Variants in EDNRB observed in about 807,000 individuals in gnomAD.
The protein encoded by EDNRB is Hirschsprung disease 2.
A neutral mutation model predicts 46.4 loss-of-function variants in EDNRB; 18 were observed. The ratio of observed to expected loss-of-function variants is 0.39; its 90% CI spans 0.27 to 0.57. The LOEUF is 0.57. Ranked by LOEUF, EDNRB falls within the 20% of genes least tolerant of loss-of-function variation. The pLI is 0.61. For synonymous variants in EDNRB, 213 were observed against 204.9 expected (o/e 1.04, Z -0.34); for missense variants, 434 against 537.5 (o/e 0.81, Z 1.90).
intron 1 of EDNRB, among the ~76,000 whole-genome samples, chr13:77,915,914 G>C (rs1262520698): frequency 6.6e-6 from 1 of 152,192 alleles, no homozygotes; most frequent in East Asian, 1.9e-4. Flanking sequence ...GAAATCATAT[G>C]GGAGTTTGAA....
chr13:77,960,078 T>G (rs1881360374), intron 1 of EDNRB, among the ~76,000 whole-genome samples: 1 of 152,158 alleles, frequency 6.6e-6, no homozygotes, highest in South Asian at 2.1e-4. Flanking sequence ...TACCTGAAAG[T>G]GATGGGGAGA....
chr13:77,896,699 T>G lies in EDNRB; in HGVS notation c.*1501A>C. 1.4e-6 allele frequency: 2 copies of G among 1,431,026 alleles called. No homozygotes were observed. The highest frequency in any genetic ancestry group is 1.8e-6 in the Non-Finnish European group (2 of 1,098,124). 88.6% of individuals were successfully genotyped at this position (1,431,026 alleles called of 1,614,324 possible). ...ACAAAATCAGGACCTTTTGCATTGA[T>G]GTGACGAGGCAATGACGAACGTTAG... On this transcript the variant is annotated 3_prime_UTR_variant, in exon 7 of 7. Coordinates refer to ENST00000646607, the MANE Select transcript of EDNRB (RefSeq NM_001122659.3).
At chr13:77,966,398 C>T (rs1340732193) in intron 1 of EDNRB, among the ~76,000 whole-genome samples, 2 of 152,138 alleles carry the variant, frequency 1.3e-5, no homozygotes, top group East Asian at 1.9e-4. Flanking sequence ...GTCTTCCTCC[C>T]CCACTACTTC....
intron 1 of EDNRB, among the ~76,000 whole-genome samples, chr13:77,917,046 T>G (rs899265746): frequency 1.3e-5 from 2 of 152,176 alleles, no homozygotes; most frequent in Non-Finnish European, 2.9e-5. Context: ...AACCTGGCTC[T>G]TTGTGTGTTT....
chr13:77,929,586 T>C (rs1880330462), intron 1 of EDNRB, among the ~76,000 whole-genome samples: 1 of 152,156 alleles, frequency 6.6e-6, no homozygotes. Flanking sequence ...GAAGTTTAGA[T>C]GCTGGTTCAT....
intron 6 of EDNRB, chr13:77,899,389 A>T (rs1878810517): frequency 6.1e-6 from 1 of 164,252 alleles, no homozygotes; most frequent in Non-Finnish European, 1.3e-5. Context: ...TGTTATACAA[A>T]AAAGGAAGAA....
chr13:77,905,011 C>G (rs1337488807), intron 1 of EDNRB, among the ~76,000 whole-genome samples: 1 of 151,858 alleles, frequency 6.6e-6, no homozygotes, highest in Non-Finnish European at 1.5e-5. Context: ...CAACATAGGA[C>G]CAACTTCATT....
chr13:77,956,526 A>T (rs148076085), intron 1 of EDNRB, among the ~76,000 whole-genome samples: 2,240 of 152,282 alleles, frequency 0.015, 46 homozygotes, highest in East Asian at 0.024. Context: ...GGAGTTCCAA[A>T]ACTTTACGGA....
chr13:77,969,964 C>T (rs1354738093), intron 1 of EDNRB, among the ~76,000 whole-genome samples: 1 of 152,038 alleles, frequency 6.6e-6, no homozygotes, highest in Admixed American at 6.6e-5. Context: ...TTTGAAAAAA[C>T]TTGGTTTTCC....
chr13:77,900,833 A>G (rs113966737), intron 4 of EDNRB, among the ~76,000 whole-genome samples, 179 bp from the exon 5 acceptor site: 20 of 151,990 alleles, frequency 1.3e-4, no homozygotes, highest in Non-Finnish European at 2.8e-4. Flanking sequence ...CTAGAGATTC[A>G]TCTTTAAAAA....
At chr13:77,965,306 A>G (rs1225272197) in intron 1 of EDNRB, among the ~76,000 whole-genome samples, 1 of 152,212 alleles carries the variant, frequency 6.6e-6, no homozygotes, top group Non-Finnish European at 1.5e-5. Context: ...AGAGCTAAGT[A>G]TTAGGGATAA....
intron 1 of EDNRB, among the ~76,000 whole-genome samples, chr13:77,938,333 G>A (rs1015418485): frequency 6.6e-6 from 1 of 151,738 alleles, no homozygotes; most frequent in African/African-American, 2.4e-5. Context: ...AAGGGATGGG[G>A]CACAGAGATA....
At position 77,965,166 on chromosome 13, in the gene EDNRB, T is replaced by G. The variant is rs117602883; in HGVS notation, c.-52+10181A>C. Among the ~76,000 whole-genome samples the G allele has an allele frequency of 2.0e-5, 3 of 152,354 alleles. No homozygotes were observed. In the East Asian group the frequency reaches 5.8e-4, roughly 29 times the overall value. ...CATATATATATTTTTAAAGTCCTCA[T>G]TGAATTATCAATAGACAACTCAGTA... On this transcript the variant is annotated intron_variant, in intron 1 of 7. Coordinates refer to the EDNRB transcript ENST00000646948.
chr13:77,927,874 T>C (rs1289013126), intron 1 of EDNRB, among the ~76,000 whole-genome samples: 1 of 152,174 alleles, frequency 6.6e-6, no homozygotes, highest in Non-Finnish European at 1.5e-5. Flanking sequence ...TGTGAGGTAA[T>C]TGAATCATGG....
At chr13:77,973,780 C>CT (rs556379433) in intron 1 of EDNRB, among the ~76,000 whole-genome samples, 4 of 151,862 alleles carry the variant, frequency 2.6e-5, no homozygotes, top group Middle Eastern at 3.4e-3. Flanking sequence ...CTTTTATAAC[C>CT]TTTTTTTTCA....
Position 77,898,013 on chromosome 13 carries a change from T to G in EDNRB, c.*187A>C. ...CTTTCTTAATTCCCACTGATTTTCTTTCCATGCCGTAAACAGCTCATAAAA... is the reference window on the plus strand; with the variant it reads ...CTTTCTTAATTCCCACTGATTTTCTGTCCATGCCGTAAACAGCTCATAAAA... On this transcript the variant is annotated 3_prime_UTR_variant, in exon 7 of 7. Coordinates refer to ENST00000646607, the MANE Select transcript of EDNRB (RefSeq NM_001122659.3). 1 of 1,387,994 alleles carries G rather than the reference T, an allele frequency of 7.2e-7. No individual in the cohort carries two copies. The highest frequency in any genetic ancestry group is 9.3e-7 in the Non-Finnish European group (1 of 1,072,200). 86.0% of individuals were successfully genotyped at this position (1,387,994 alleles called of 1,614,324 possible). A position where few individuals can be genotyped will look rare whatever the true frequency, so the allele number is the denominator to read the frequency against.
intron 1 of EDNRB, among the ~76,000 whole-genome samples, chr13:77,974,047 T>G (rs1367487413): frequency 6.6e-6 from 1 of 152,096 alleles, no homozygotes; most frequent in Non-Finnish European, 1.5e-5. Context: ...TAAAACATGT[T>G]ACACTGTTAA....
At chr13:77,950,658 A>AT (rs1188664829) in intron 1 of EDNRB, among the ~76,000 whole-genome samples, 2 of 152,344 alleles carry the variant, frequency 1.3e-5, no homozygotes, top group East Asian at 3.9e-4. Flanking sequence ...GCTCGAACAT[A>AT]TGGTATTTCA....
intron 1 of EDNRB, among the ~76,000 whole-genome samples, chr13:77,932,132 T>G (rs1214385907): frequency 6.6e-6 from 1 of 151,888 alleles, no homozygotes; most frequent in Non-Finnish European, 1.5e-5. Flanking sequence ...AAGTCTTGTC[T>G]TTTAGACACT....
Sources: allele counts gnomAD v4.1 joint callset (sites outside exome capture counted in the v4.1 genomes callset), GRCh38; gene constraint gnomAD v4.1.1; transcripts MANE v1.5; gene names NCBI Gene and HGNC (gene_info 2026-07-23, HGNC 2026-07-21).